The following SLTM variants were observed in gnomAD, a reference collection of about 807,000 sequenced individuals.
SLTM encodes the protein SAFB-like transcription modulator.
A neutral mutation model predicts 134.6 loss-of-function variants in SLTM; 43 were observed. That is an observed-to-expected ratio of 0.32 (90% confidence interval 0.25 to 0.41). The LOEUF is 0.41. Ranked by LOEUF, SLTM falls within the 10% of genes least tolerant of loss-of-function variation. SLTM has a pLI of 1.00. For synonymous variants in SLTM, 424 were observed against 432.3 expected, an observed-to-expected ratio of 0.98 and a Z score of 0.24; for missense variants, 1,055 against 1,288.8, an observed-to-expected ratio of 0.82 and a Z score of 2.78.
chr15:58,883,767 T>C lies in SLTM; in HGVS notation c.2855A>G (p.His952Arg). Residue 952 changes from histidine (H) to arginine (R), a missense_variant, in exon 20 of 21, where the codon CAT becomes CGT. Physicochemically the swap from His to Arg is conservative, Grantham distance 29. Coordinates refer to ENST00000380516, the MANE Select transcript of SLTM (RefSeq NM_024755.4). Reference protein sequence around the residue: ...GGSQHYPEERHVVERHGRDTS... With the variant: ...GGSQHYPEERRVVERHGRDTS... ...GTCCCGTCCATGGCGTTCAACCACA[T>C]GTCGCTCCTCAGGATAGTGCTAAAA... 1.2e-6 allele frequency: 2 copies of C among 1,614,060 alleles called. No homozygotes were observed. The highest frequency in any genetic ancestry group is 1.1e-5 in the South Asian group (1 of 91,072).
At chr15:58,886,898 A>G in intron 19 of SLTM, 77 bp downstream of exon 19, 2 of 1,544,442 alleles carry the variant, frequency 1.3e-6, no homozygotes, top group South Asian at 2.3e-5. Context: ...TCAAAATGCT[A>G]CTGTATATCC....
intron 1 of SLTM, among the ~76,000 whole-genome samples, chr15:58,933,187 G>C (rs2141274336): frequency 6.6e-6 from 1 of 151,722 alleles, no homozygotes; most frequent in Non-Finnish European, 1.5e-5. Context: ...GCGGTGGCCG[G>C]TCCCTCGCAG....
chr15:58,906,798 A>G (rs1425330278), intron 5 of SLTM, among the ~76,000 whole-genome samples: 1 of 152,210 alleles, frequency 6.6e-6, no homozygotes, highest in Non-Finnish European at 1.5e-5. Flanking sequence ...GTAGTGTAAG[A>G]CTGCTGTTTT....
intron 1 of SLTM, 115 bp downstream of exon 1, chr15:58,933,289 G>T: frequency 8.3e-7 from 1 of 1,200,312 alleles, no homozygotes; most frequent in Non-Finnish European, 1.1e-6. Flanking sequence ...TCCCTACCAT[G>T]CCGTTCCGCA....
At chr15:58,888,729 A>G (rs959217308) in intron 16 of SLTM, 174 bp from the exon 17 acceptor site, 2 of 506,760 alleles carry the variant, frequency 3.9e-6, no homozygotes. Flanking sequence ...TGAATTACAT[A>G]AAGTCAAATA....
At position 58,883,706 on chromosome 15, in the gene SLTM, G is replaced by A; in HGVS notation, c.2916C>T (p.Pro972=). 6.2e-7 allele frequency: 1 copy of A among 1,613,938 alleles called. No individual in the cohort carries two copies. The highest frequency in any genetic ancestry group is 1.3e-5 in the African/African-American group (1 of 74,944). The change falls in exon 20 of 21, where the codon CCC becomes CCT. Residue 972 remains proline (P), a synonymous_variant. Transcript: ENST00000380516. The part of the protein sequence containing the change: ...SGPRKEWHGP[P]SQGPSYHDTR... ...TATCATGATAGCTAGGCCCTTGAGA[G>A]GGTGGACCATGCCACTCTTTCCTTG...
intron 3 of SLTM, among the ~76,000 whole-genome samples, chr15:58,914,436 A>C (rs570521446): frequency 6.6e-6 from 1 of 152,350 alleles, no homozygotes; most frequent in East Asian, 1.9e-4. Flanking sequence ...CATGACTACT[A>C]ATCATTCACA....
chr15:58,901,562 A>T (rs1219478161), intron 5 of SLTM, among the ~76,000 whole-genome samples: 2 of 152,230 alleles, frequency 1.3e-5, no homozygotes, highest in African/African-American at 4.8e-5. Context: ...AAACTAGTTT[A>T]TATAATCCAA....
At chr15:58,883,407 G>A (rs959384425) in intron 20 of SLTM, 32 of 562,242 alleles carry the variant, frequency 5.7e-5, no homozygotes, top group Middle Eastern at 4.8e-4. Context: ...TTGCCAGAAC[G>A]TCACTGAATT....
rs190961831 is a variant in SLTM at position 58,885,020 on chromosome 15, A to T, written c.2836-1234T>A. ...AATACTTGGATCTTATATTGACTGT[A>T]AGAAGGCACAGCCAGAGATCAAAAC... is the stretch of plus-strand genomic sequence containing the variant. On this transcript the variant is annotated intron_variant, in intron 19 of 20. Coordinates refer to ENST00000380516, the MANE Select transcript of SLTM (RefSeq NM_024755.4). Among the ~76,000 whole-genome samples the T allele has an allele frequency of 4.6e-5, 7 of 152,344 alleles. No individual in the cohort carries two copies. The East Asian group carries it at 7.7e-4, about 17-fold the overall frequency.
At chr15:58,894,300 G>T in intron 10 of SLTM, 107 bp from the exon 11 acceptor site, 1 of 1,410,224 alleles carries the variant, frequency 7.1e-7, no homozygotes, top group Non-Finnish European at 9.8e-7. Flanking sequence ...AAAAATATAA[G>T]GAGAGTAAAA....
intron 2 of SLTM, among the ~76,000 whole-genome samples, chr15:58,921,203 A>G (rs1323248352): frequency 6.6e-6 from 1 of 152,214 alleles, no homozygotes; most frequent in Non-Finnish European, 1.5e-5. Context: ...TTAAAATTTT[A>G]TCCTCACAAC....
intron 5 of SLTM, among the ~76,000 whole-genome samples, chr15:58,902,894 TTTA>T (rs1260360676): frequency 1.3e-5 from 2 of 151,578 alleles, no homozygotes; most frequent in African/African-American, 4.8e-5. Flanking sequence ...CAGCTAATTT[TTTA>T]TTATTATTAT....
intron 5 of SLTM, among the ~76,000 whole-genome samples, chr15:58,910,103 T>C: frequency 6.6e-6 from 1 of 152,026 alleles, no homozygotes; most frequent in South Asian, 2.1e-4. Flanking sequence ...ATTTTAGGAG[T>C]GCTAATATAA....
rs151273150 is a variant in SLTM at position 58,926,744 on chromosome 15, A to G, written c.250+5612T>C. 1.4e-3 allele frequency among the ~76,000 whole-genome samples: 206 copies of G among 151,676 alleles called. 1 individual carries two copies. In the East Asian group the frequency reaches 0.014, roughly 10 times the overall value. ...ATTCTCCTGCCTGAGCCTCCAGAGT[A>G]GCTGGGATTACAGAACATGCTACCA... On this transcript the variant is annotated intron_variant, in intron 2 of 20. Transcript: ENST00000380516.
At position 58,887,223 on chromosome 15, in the gene SLTM, T is replaced by C. The variant is rs1411825998; in HGVS notation, c.2690+3A>G. Reference sequence around the variant, plus strand: ...AGGAAAGCATTACATAGTACACAGCTACCTTGTTTCCCGTTTGTCAGTGGA... The same window carrying C: ...AGGAAAGCATTACATAGTACACAGCCACCTTGTTTCCCGTTTGTCAGTGGA... On this transcript the variant is annotated splice_donor_region_variant and intron_variant, in intron 18 of 20. Transcript: ENST00000380516. 3 of 1,613,606 alleles carry C rather than the reference T, an allele frequency of 1.9e-6. No individual in the cohort carries two copies. The highest frequency in any genetic ancestry group is 2.5e-6 in the Non-Finnish European group (3 of 1,179,636).
At chr15:58,929,320 T>C (rs2037703978) in intron 2 of SLTM, among the ~76,000 whole-genome samples, 1 of 152,048 alleles carries the variant, frequency 6.6e-6, no homozygotes, top group Admixed American at 6.6e-5. Flanking sequence ...TGGTGGCGCA[T>C]GCCTGTAATC....
At chr15:58,905,195 A>T (rs2141066439) in intron 5 of SLTM, among the ~76,000 whole-genome samples, 1 of 152,348 alleles carries the variant, frequency 6.6e-6, no homozygotes, top group South Asian at 2.1e-4. Context: ...TTTAAGCATT[A>T]TGTGTCCAAT....
intron 14 of SLTM, 150 bp downstream of exon 14, chr15:58,892,747 A>C: frequency 1.3e-6 from 1 of 785,426 alleles, no homozygotes; most frequent in Non-Finnish European, 2.0e-6. Context: ...AGTGCTATGC[A>C]AACTTAAGAA....
Sources: allele counts gnomAD v4.1 joint callset (sites outside exome capture counted in the v4.1 genomes callset), GRCh38; gene constraint gnomAD v4.1.1; transcripts MANE v1.5; gene names NCBI Gene and HGNC (gene_info 2026-07-23, HGNC 2026-07-21).